DMD: variants seen among roughly 807,000 people sequenced by gnomAD.
DMD encodes mutant dystrophin.
In DMD, 63 loss-of-function variants were observed where a neutral mutation model predicts 330.1. The observed-to-expected ratio is 0.19, with a 90% CI of 0.16 to 0.24. DMD has a LOEUF of 0.24. Among genes scored for constraint, DMD ranks in the 10% least tolerant of loss-of-function variants. DMD has a pLI of 1.00. For missense variants in DMD, 3,344 were observed against 2,684.1 expected (o/e 1.25, Z -5.43); for synonymous variants, 1,223 against 959.8 (o/e 1.27, Z -5.07).
intron 51 of DMD, 148 bp from the exon 52 acceptor site, chrX:31,729,896 A>T (rs1663893051): frequency 4.3e-6 from 2 of 469,792 alleles, no homozygotes; most frequent in Non-Finnish European, 7.4e-6. Flanking sequence ...ATAGAAAACA[A>T]TTTAACAGGA....
At chrX:32,524,123 A>G (rs908619055) in intron 17 of DMD, among the ~76,000 whole-genome samples, 3 of 108,930 alleles carry the variant, frequency 2.8e-5, no homozygotes, top group African/African-American at 1.0e-4. Context: ...TTTAGTAGAG[A>G]TGTGGTTTCA....
chrX:32,533,997 C>T (rs746791627), intron 17 of DMD, among the ~76,000 whole-genome samples: 2 of 112,083 alleles, frequency 1.8e-5, no homozygotes, highest in Admixed American at 1.9e-4. Context: ...AGCATCATGA[C>T]CTGTTTCAAT....
chrX:32,119,579 C>A (rs2096626051), intron 44 of DMD, among the ~76,000 whole-genome samples: 1 of 110,965 alleles, frequency 9.0e-6, no homozygotes, highest in Non-Finnish European at 1.9e-5. Flanking sequence ...CTGAGATGAA[C>A]ACAATGCCCA....
At chrX:32,093,996 A>T (rs1437375604) in intron 44 of DMD, among the ~76,000 whole-genome samples, 8 of 111,533 alleles carry the variant, frequency 7.2e-5, no homozygotes, top group Admixed American at 6.7e-4. Flanking sequence ...TGTAAAAAGG[A>T]ACCACAATGG....
chrX:32,686,756 T>A (rs1347609581), intron 9 of DMD, among the ~76,000 whole-genome samples: 1 of 110,704 alleles, frequency 9.0e-6, no homozygotes, highest in Non-Finnish European at 1.9e-5. Context: ...ACAAAATAGA[T>A]TGTAATAAAA....
At chrX:31,154,870 G>A (rs1233958246) in intron 74 of DMD, among the ~76,000 whole-genome samples, 1 of 109,852 alleles carries the variant, frequency 9.1e-6, no homozygotes, top group African/African-American at 3.4e-5. Flanking sequence ...AATACACATG[G>A]CTTCTGTCAC....
chrX:32,477,377 C>G (rs2041344189), intron 21 of DMD, among the ~76,000 whole-genome samples: 1 of 110,147 alleles, frequency 9.1e-6, no homozygotes, highest in African/African-American at 3.3e-5. Context: ...TATAGGCAAA[C>G]TGACATCTAA....
intron 54 of DMD, among the ~76,000 whole-genome samples, chrX:31,642,456 A>G (rs779417327): frequency 2.7e-5 from 3 of 112,270 alleles, no homozygotes; most frequent in East Asian, 5.6e-4. Context: ...TTTGCTGTTT[A>G]GATGTTGTCA....
rs2148594756 is a variant in DMD at position 32,310,076 on chromosome X, T to C, written c.6117+6A>G. ...TAAAATACGAATGAAAGTGCTTTGG[T>C]TTTACCTTCAGAGACTCCTCTTGCT... On this transcript the variant is annotated splice_donor_region_variant and intron_variant, in intron 42 of 78. Coordinates refer to ENST00000357033, the MANE Select transcript of DMD (RefSeq NM_004006.3). The C allele has an allele frequency of 8.3e-7, 1 of 1,204,388 alleles. No individual in the cohort carries two copies. Among genetic ancestry groups the C allele is most frequent in the Non-Finnish European group, 1.1e-6 (1 of 889,687 alleles).
intron 67 of DMD, among the ~76,000 whole-genome samples, chrX:31,193,588 G>A (rs1481450703): frequency 2.7e-5 from 3 of 111,353 alleles, no homozygotes; most frequent in Non-Finnish European, 5.6e-5. Context: ...TAGGGTAAAA[G>A]GTTAAGGAAT....
At chrX:32,621,469 A>G (rs1325008862) in intron 11 of DMD, among the ~76,000 whole-genome samples, 5 of 106,095 alleles carry the variant, frequency 4.7e-5, no homozygotes, top group East Asian at 2.9e-4. Flanking sequence ...AGATGTACAC[A>G]TAAGTGTTTT....
intron 17 of DMD, among the ~76,000 whole-genome samples, chrX:32,527,479 G>A (rs756637510): frequency 9.1e-6 from 1 of 110,252 alleles, no homozygotes; most frequent in East Asian, 2.9e-4. Flanking sequence ...AGTTCAAGAT[G>A]CACATCATCT....
At chrX:32,727,909 T>C (rs2067079539) in intron 7 of DMD, among the ~76,000 whole-genome samples, 2 of 111,860 alleles carry the variant, frequency 1.8e-5, no homozygotes. Flanking sequence ...TAACTTTTTT[T>C]GTAATTTAAT....
chrX:32,889,231 C>T (rs1467209450), intron 2 of DMD, among the ~76,000 whole-genome samples: 2 of 111,242 alleles, frequency 1.8e-5, no homozygotes, highest in Admixed American at 1.9e-4. Flanking sequence ...AGTACCCAGG[C>T]ACTTCAGCAG....
At chrX:32,443,444 G>A (rs2098290663) in intron 27 of DMD, among the ~76,000 whole-genome samples, 1 of 111,055 alleles carries the variant, frequency 9.0e-6, no homozygotes, top group African/African-American at 3.3e-5. Context: ...AGCTCCTGCT[G>A]GACTACAGGC....
At chrX:33,216,748 C>T (rs1352289934) in intron 1 of DMD, among the ~76,000 whole-genome samples, 3 of 111,035 alleles carry the variant, frequency 2.7e-5, no homozygotes, top group African/African-American at 9.8e-5. Context: ...TTTTTGTCTA[C>T]ACTTAGATGA....
rs760250247 is a variant in DMD at position 32,779,601 on chromosome X, T to C, written c.649+29892A>G. Among the ~76,000 whole-genome samples the C allele has an allele frequency of 2.5e-3, 263 of 106,911 alleles. 1 individual carries two copies. Among genetic ancestry groups the C allele is most frequent in the African/African-American group, 8.6e-3 (251 of 29,089 alleles). 92.8% of individuals were successfully genotyped at this position (106,911 alleles called of 115,157 possible). On this transcript the variant is annotated intron_variant, in intron 7 of 78. Coordinates refer to ENST00000357033, the MANE Select transcript of DMD (RefSeq NM_004006.3). Reference sequence around the variant, plus strand: ...TGAGAACATGCGGTGTTTGGTTTTTTATCCTTGCGATAGTTTGCTGAGAAT... The same window carrying C: ...TGAGAACATGCGGTGTTTGGTTTTTCATCCTTGCGATAGTTTGCTGAGAAT...
intron 13 of DMD, among the ~76,000 whole-genome samples, chrX:32,574,203 C>A (rs2052757848): frequency 9.0e-6 from 1 of 111,381 alleles, no homozygotes; most frequent in African/African-American, 3.3e-5. Context: ...TGAAAATACA[C>A]CCTAAAGAAT....
At chrX:31,431,493 G>A (rs12688143) in intron 60 of DMD, among the ~76,000 whole-genome samples, 2,629 of 111,438 alleles carry the variant, frequency 0.024, 38 homozygotes, top group East Asian at 0.05. Flanking sequence ...CGCCTCCTGG[G>A]TTCAAGCCAT....
Sources: allele counts gnomAD v4.1 joint callset (sites outside exome capture counted in the v4.1 genomes callset), GRCh38; gene constraint gnomAD v4.1.1; transcripts MANE v1.5; gene names NCBI Gene and HGNC (gene_info 2026-07-23, HGNC 2026-07-21).